GNB5: variants seen among roughly 807,000 people sequenced by gnomAD.
GNB5 encodes guanine nucleotide-binding protein subunit beta-5.
A neutral mutation model predicts 55.3 loss-of-function variants in GNB5; 37 were observed. The observed-to-expected ratio is 0.67, with a 90% CI of 0.51 to 0.88. The LOEUF is 0.88. GNB5 is among the 40% of genes least tolerant of loss of function. GNB5 has a pLI of 0.00. For synonymous variants in GNB5, 219 were observed against 198.5 expected, an observed-to-expected ratio of 1.10 and a Z score of -0.87; for missense variants, 476 against 515.3, an observed-to-expected ratio of 0.92 and a Z score of 0.74.
chr15:52,141,003 A>C, intron 7 of GNB5, 137 bp downstream of exon 7: 2 of 655,568 alleles, frequency 3.1e-6, no homozygotes, highest in Non-Finnish European at 5.4e-6. Flanking sequence ...AATGAGAAAC[A>C]ATAGGAGCTT....
At chr15:52,129,447 A>G (rs963437001) in intron 9 of GNB5, among the ~76,000 whole-genome samples, 3 of 152,226 alleles carry the variant, frequency 2.0e-5, no homozygotes, top group Non-Finnish European at 4.4e-5. Context: ...TGGAGAATTG[A>G]AAAGCTGGAT....
rs1389133622 is a variant in GNB5, at chr15:52,136,262, G to A, written c.628-506C>T. Reference sequence around the variant, plus strand: ...CATTTCCTACCCTCACAGTCCTTGAGTTGTGTTTATATGCCTGCCTCCCAG... The same window carrying A: ...CATTTCCTACCCTCACAGTCCTTGAATTGTGTTTATATGCCTGCCTCCCAG... On this transcript the variant is annotated intron_variant, in intron 7 of 12. Transcript: ENST00000261837. 7.2e-5 allele frequency among the ~76,000 whole-genome samples: 11 copies of A among 151,782 alleles called. No homozygotes were observed. The South Asian group carries it at 2.1e-3, about 29-fold the overall frequency.
chr15:52,179,358 A>C (rs1178408066), intron 3 of GNB5, among the ~76,000 whole-genome samples: 1 of 152,124 alleles, frequency 6.6e-6, no homozygotes, highest in African/African-American at 2.4e-5. Flanking sequence ...GGGCATTAAA[A>C]AACAAAACAG....
chr15:52,131,547 G>A (rs576369016), intron 9 of GNB5, among the ~76,000 whole-genome samples: 1 of 151,950 alleles, frequency 6.6e-6, no homozygotes, highest in African/African-American at 2.4e-5. Flanking sequence ...AATACACAGG[G>A]GCTTATTTTT....
At chr15:52,183,335 G>GC (rs149991358) in intron 2 of GNB5, among the ~76,000 whole-genome samples, 7,450 of 149,812 alleles carry the variant, frequency 0.05, 245 homozygotes, top group African/African-American at 0.088. Flanking sequence ...ATAAATAATG[G>GC]GGGGGGGGTA....
chr15:52,131,852 T>G (rs765021718), intron 9 of GNB5, among the ~76,000 whole-genome samples: 29 of 152,228 alleles, frequency 1.9e-4, no homozygotes, highest in Non-Finnish European at 3.5e-4. Flanking sequence ...AACAGTACCA[T>G]CTTTCATACG....
In GNB5 at chr15:52,122,425, G is replaced by A; in HGVS notation, c.*332C>T. On this transcript the variant is annotated 3_prime_UTR_variant, in exon 13 of 13. Coordinates refer to ENST00000261837, the MANE Select transcript of GNB5 (RefSeq NM_016194.4). ...TGAATTGATTCAAAGAAATAATATGGAATATATTAACTGCTGAATTCTACT... is the reference window on the plus strand; with the variant it reads ...TGAATTGATTCAAAGAAATAATATGAAATATATTAACTGCTGAATTCTACT... 3.6e-6 allele frequency: 1 copy of A among 274,642 alleles called. No individual in the cohort carries two copies. Among genetic ancestry groups the A allele is most frequent in the South Asian group, 8.7e-5 (1 of 11,442 alleles). 17.0% of individuals were successfully genotyped at this position (274,642 alleles called of 1,614,324 possible).
intron 3 of GNB5, among the ~76,000 whole-genome samples, chr15:52,157,550 G>A (rs936868122): frequency 1.2e-4 from 18 of 152,030 alleles, no homozygotes; most frequent in African/African-American, 4.3e-4. Flanking sequence ...AGCCATATAG[G>A]CCTTTTATAT....
At chr15:52,134,801 G>A (rs1294778821) in intron 8 of GNB5, among the ~76,000 whole-genome samples, 6 of 152,120 alleles carry the variant, frequency 3.9e-5, no homozygotes, top group Non-Finnish European at 2.9e-5. Flanking sequence ...TGACGGAGGT[G>A]AGACAGGACC....
chr15:52,122,661 A>G lies in GNB5; in HGVS notation c.*96T>C. 1.0e-6 allele frequency: 1 copy of G among 991,354 alleles called. No homozygotes were observed. Among genetic ancestry groups the G allele is most frequent in the Non-Finnish European group, 1.6e-6 (1 of 616,740 alleles). 61.4% of individuals were successfully genotyped at this position (991,354 alleles called of 1,614,324 possible). On this transcript the variant is annotated 3_prime_UTR_variant, in exon 13 of 13. Transcript: ENST00000261837. ...GCCATGGGTTGCTCCCCTAAGCTAC[A>G]CTGCAATAAACTCTAAGCTCCTCTA...
intron 3 of GNB5, among the ~76,000 whole-genome samples, chr15:52,160,147 C>G (rs2034300332): frequency 1.3e-5 from 2 of 152,088 alleles, no homozygotes; most frequent in South Asian, 4.1e-4. Context: ...GGGGTTGCAC[C>G]ATGTTGGCCA....
intron 3 of GNB5, among the ~76,000 whole-genome samples, chr15:52,175,730 C>T (rs2034637471): frequency 7.4e-6 from 1 of 135,702 alleles, no homozygotes; most frequent in African/African-American, 2.8e-5. Flanking sequence ...CAGAGTGAGA[C>T]TCCGTCTCAA....
At chr15:52,183,972 T>C (rs1447916413) in intron 2 of GNB5, among the ~76,000 whole-genome samples, 1 of 152,226 alleles carries the variant, frequency 6.6e-6, no homozygotes, top group Non-Finnish European at 1.5e-5. Flanking sequence ...CAAGGAGTAC[T>C]TCTGAGCTGA....
chr15:52,167,893 GA>G (rs1236191196), intron 3 of GNB5, among the ~76,000 whole-genome samples: 3 of 151,592 alleles, frequency 2.0e-5, no homozygotes, highest in Non-Finnish European at 4.4e-5. Flanking sequence ...AAAAACTAAA[GA>G]AAAAAACCAC....
chr15:52,184,587 A>G lies in GNB5; in HGVS notation c.90T>C (p.Ser30=), dbSNP rs756678877. The change falls in exon 2 of 13, where the codon TCT becomes TCC. Residue 30 remains serine (S), a synonymous_variant. Transcript: ENST00000261837. The part of the protein sequence containing the change: ...QRALRPVFKK[S]QQLSYCSTCA... ...ATGTTGAACAGTAGCTGAGTTGTTGAGACTTCTTGAAAACTGGTCTCAGAG... is the reference window on the plus strand; with the variant it reads ...ATGTTGAACAGTAGCTGAGTTGTTGGGACTTCTTGAAAACTGGTCTCAGAG... The G allele has an allele frequency of 1.9e-5, 30 of 1,613,434 alleles. No homozygotes were observed. The Admixed American group carries it at 2.3e-4, about 13-fold the overall frequency.
At chr15:52,147,773 G>A (rs2034007868) in intron 5 of GNB5, among the ~76,000 whole-genome samples, 1 of 152,062 alleles carries the variant, frequency 6.6e-6, no homozygotes, top group Admixed American at 6.5e-5. Context: ...AGTAAAGATG[G>A]GGTTTCGCCA....
In GNB5 at chr15:52,117,102, A is replaced by ATATATATATTTT; in HGVS notation, c.*5654_*5655insAAAATATATATA. 5 of 87,094 alleles carry ATATATATATTTT rather than the reference A, an allele frequency of 5.7e-5. 1 individual carries two copies. Among genetic ancestry groups the ATATATATATTTT allele is most frequent in the Admixed American group, 2.5e-4 (2 of 8,100 alleles). The allele number at this position is 87,094 out of a possible 1,614,324, so 5.4% of individuals were successfully genotyped here. On this transcript the variant is annotated 3_prime_UTR_variant, in exon 13 of 13. Transcript: ENST00000261837. ...CCACGCCCAGCTAATATATATATAT[A>ATATATATATTTT]TTTTTTTTTAGTACAGACAGGGTTT...
intron 6 of GNB5, among the ~76,000 whole-genome samples, chr15:52,143,634 G>C (rs1369681877): frequency 6.6e-6 from 1 of 152,222 alleles, no homozygotes; most frequent in Non-Finnish European, 1.5e-5. Context: ...AAACAACTGA[G>C]AGGGAGACCC....
chr15:52,179,102 A>C (rs974082402), intron 3 of GNB5, among the ~76,000 whole-genome samples: 1 of 152,216 alleles, frequency 6.6e-6, no homozygotes, highest in Non-Finnish European at 1.5e-5. Flanking sequence ...GTGGTGGTGA[A>C]GAATGCAAGT....
Sources: allele counts gnomAD v4.1 joint callset (sites outside exome capture counted in the v4.1 genomes callset), GRCh38; gene constraint gnomAD v4.1.1; transcripts MANE v1.5; gene names NCBI Gene and HGNC (gene_info 2026-07-23, HGNC 2026-07-21).